Variants in ZNF813 observed in about 807,000 individuals in gnomAD.
The protein encoded by ZNF813 is zinc finger protein 813.
ZNF813 carries 3 observed loss-of-function variants against 7.2 expected under a neutral mutation model. That is an observed-to-expected ratio of 0.42 (90% CI 0.19 to 1.08). ZNF813 has a LOEUF of 1.08. ZNF813 is among the 50% of genes least tolerant of loss of function. The pLI is 0.30. For missense variants in ZNF813, 714 were observed against 753.3 expected (o/e 0.95, Z 0.61); for synonymous variants, 227 against 256.3 (o/e 0.89, Z 1.09).
intron 1 of ZNF813, among the ~76,000 whole-genome samples, chr19:53,481,201 T>C (rs1051171696): frequency 8.5e-5 from 13 of 152,274 alleles, no homozygotes; most frequent in Middle Eastern, 3.4e-3. Context: ...GCAGCAAGTC[T>C]GGGCACATTC....
chr19:53,487,853 A>G (rs747695884), intron 3 of ZNF813, among the ~76,000 whole-genome samples: 3 of 151,390 alleles, frequency 2.0e-5, no homozygotes, highest in Non-Finnish European at 4.4e-5. Context: ...CTCCACCAGA[A>G]CTCTTTATTT....
chr19:53,478,117 A>G (rs562663900), intron 1 of ZNF813, among the ~76,000 whole-genome samples: 267 of 152,224 alleles, frequency 1.8e-3, no homozygotes, highest in Admixed American at 3.4e-3. Context: ...GAAGTAGGGC[A>G]ATGAAGTGGG....
At position 53,479,165 on chromosome 19, in the gene ZNF813, C is replaced by T. The variant is rs188879532; in HGVS notation, c.-73-4585C>T. 5.9e-5 allele frequency among the ~76,000 whole-genome samples: 9 copies of T among 152,270 alleles called. No individual in the cohort carries two copies. In the East Asian group the frequency reaches 1.7e-3, roughly 29 times the overall value. On this transcript the variant is annotated intron_variant, in intron 1 of 3. Transcript: ENST00000396403. ...GGCCAGGCTGGCCTTGAACTCCTGA[C>T]CTCAGGTGATCCACTTGCTTCGGCC...
intron 3 of ZNF813, among the ~76,000 whole-genome samples, chr19:53,488,051 T>G (rs2086442307): frequency 6.6e-6 from 1 of 152,186 alleles, no homozygotes; most frequent in African/African-American, 2.4e-5. Flanking sequence ...TGAGATGAAG[T>G]TTTGTTCTTG....
In ZNF813 at chr19:53,479,243, TC is replaced by T. The variant is rs1939274609; in HGVS notation, c.-73-4506del. 1.6e-5 allele frequency: 18 copies of T among 1,136,002 alleles called. No homozygotes were observed. The South Asian group carries it at 2.1e-4, about 13-fold the overall frequency. 70.4% of individuals were successfully genotyped at this position (1,136,002 alleles called of 1,614,324 possible). A position where few individuals can be genotyped will look rare whatever the true frequency, so the allele number is the denominator to read the frequency against. On this transcript the variant is annotated intron_variant, in intron 1 of 3. Transcript: ENST00000396403. The stretch of plus-strand genomic sequence containing the variant: ...AGCAACCACGCCCAGCTGAGATAAA[TC>T]TTAGTTTTCAAAATTTCTCTTTTAA...
chr19:53,473,575 T>C (rs1568827140), intron 1 of ZNF813, among the ~76,000 whole-genome samples: 2 of 151,948 alleles, frequency 1.3e-5, no homozygotes, highest in Non-Finnish European at 2.9e-5. Context: ...GCAGTGGGAG[T>C]GGACAAGATT....
chr19:53,486,901 T>G, intron 3 of ZNF813, 143 bp downstream of exon 3: 1 of 1,490,986 alleles, frequency 6.7e-7, no homozygotes, highest in South Asian at 1.4e-5. Context: ...CTTGAATTCC[T>G]GGGCTCAAGT....
chr19:53,483,653 A>G, intron 1 of ZNF813, 97 bp from the exon 2 acceptor site: 2 of 1,252,608 alleles, frequency 1.6e-6, no homozygotes, highest in Non-Finnish European at 2.2e-6. Context: ...AGGGGACCGT[A>G]TTTCCTCAGG....
rs146034098 is a variant in ZNF813 at position 53,470,160 on chromosome 19, T to TCCTTCCTTCCTTCC, written c.-74+2371_-74+2372insCCTTCCTTCCTTCC. ...TGTTTTCTTTCTTTCTTTCTTTCTT[T>TCCTTCCTTCCTTCC]TTCTTTTCTTTTCTTTCTTTCTTTC... is the stretch of plus-strand genomic sequence containing the variant. On this transcript the variant is annotated intron_variant, in intron 1 of 3. Transcript: ENST00000396403. 7.1e-3 allele frequency among the ~76,000 whole-genome samples: 920 copies of TCCTTCCTTCCTTCC among 128,974 alleles called. 22 individuals carry two copies. The highest frequency in any genetic ancestry group is 0.02 in the Middle Eastern group (5 of 244). The allele number at this position is 128,974 out of a possible 152,430, so 84.6% of individuals were successfully genotyped here.
rs2086477635 is a variant in ZNF813, at chr19:53,494,424, A to AC, written c.*2340dup. ...TTTGGGAGGCCAAGGTGGGTGGATC[A>AC]CCTGAGATCCAGAGTTCGAGACCAG... is the stretch of plus-strand genomic sequence containing the variant. On this transcript the variant is annotated 3_prime_UTR_variant, in exon 4 of 4. Transcript: ENST00000396403. 1 of 152,112 alleles carries AC rather than the reference A, an allele frequency of 6.6e-6. No individual in the cohort carries two copies. The highest frequency in any genetic ancestry group is 1.5e-5 in the Non-Finnish European group (1 of 68,052). The allele number at this position is 152,112 out of a possible 1,614,324, so 9.4% of individuals were successfully genotyped here.
intron 1 of ZNF813, among the ~76,000 whole-genome samples, chr19:53,482,710 T>G (rs1240937161): frequency 3.2e-5 from 3 of 92,540 alleles, no homozygotes; most frequent in Non-Finnish European, 6.7e-5. Flanking sequence ...GGAATGCTTT[T>G]TGTTTTTTTT....
intron 1 of ZNF813, among the ~76,000 whole-genome samples, chr19:53,476,244 G>A (rs1307501285): frequency 1.3e-5 from 2 of 152,174 alleles, no homozygotes; most frequent in African/African-American, 2.4e-5. Context: ...GATTGGGGCC[G>A]GCAAAAGAAG....
At chr19:53,478,456 G>C (rs146340917) in intron 1 of ZNF813, among the ~76,000 whole-genome samples, 1 of 152,076 alleles carries the variant, frequency 6.6e-6, no homozygotes, top group Non-Finnish European at 1.5e-5. Flanking sequence ...ACAGGGATGA[G>C]CCACCGCACC....
At chr19:53,489,912 A>G (rs937086933) in intron 3 of ZNF813, among the ~76,000 whole-genome samples, 5 of 152,170 alleles carry the variant, frequency 3.3e-5, no homozygotes, top group African/African-American at 7.2e-5. Context: ...TTGTTTGACA[A>G]TACAGAATTT....
chr19:53,473,923 G>A (rs1185637226), intron 1 of ZNF813, among the ~76,000 whole-genome samples: 1 of 152,168 alleles, frequency 6.6e-6, no homozygotes, highest in Admixed American at 6.5e-5. Context: ...TCTCAGGTGA[G>A]TTTCTTGGCA....
At chr19:53,481,421 A>G (rs1173515151) in intron 1 of ZNF813, among the ~76,000 whole-genome samples, 1 of 138,910 alleles carries the variant, frequency 7.2e-6, no homozygotes, top group Non-Finnish European at 1.5e-5. Context: ...ATCTAGGCTC[A>G]CTACAACCTC....
chr19:53,489,856 G>A (rs149111336), intron 3 of ZNF813, among the ~76,000 whole-genome samples: 70 of 152,068 alleles, frequency 4.6e-4, no homozygotes, highest in African/African-American at 1.6e-3. Flanking sequence ...AGGCCACCAC[G>A]CCTGGCTACA....
intron 1 of ZNF813, among the ~76,000 whole-genome samples, chr19:53,483,428 T>C (rs2086418749): frequency 6.6e-6 from 1 of 152,152 alleles, no homozygotes; most frequent in Non-Finnish European, 1.5e-5. Flanking sequence ...GCTCAAGAGA[T>C]CTACGCACCT....
chr19:53,477,873 C>T (rs544208469), intron 1 of ZNF813, among the ~76,000 whole-genome samples: 3 of 152,218 alleles, frequency 2.0e-5, no homozygotes, highest in African/African-American at 7.2e-5. Context: ...GGTGAGTTCA[C>T]TGGGTATGAT....
Sources: allele counts gnomAD v4.1 joint callset (sites outside exome capture counted in the v4.1 genomes callset), GRCh38; gene constraint gnomAD v4.1.1; transcripts MANE v1.5; gene names NCBI Gene and HGNC (gene_info 2026-07-23, HGNC 2026-07-21).